THAP12: variants seen among roughly 807,000 people sequenced by gnomAD.
The protein encoded by THAP12 is THAP domain containing 12, also known as 52 kDa repressor of the inhibitor of the protein kinase.
Under a neutral mutation model 63.0 loss-of-function variants are expected in THAP12, and 20 were observed. That is an observed-to-expected ratio of 0.32 (90% CI 0.22 to 0.46). THAP12 has a LOEUF of 0.46. Among genes scored for constraint, THAP12 ranks in the 20% least tolerant of loss-of-function variants. The pLI is 1.00. For synonymous variants in THAP12, 264 were observed against 328.4 expected (o/e 0.80, Z 2.12); for missense variants, 568 against 908.2 (o/e 0.63, Z 4.81).
intron 1 of THAP12, among the ~76,000 whole-genome samples, chr11:76,377,154 T>C (rs2134518849): frequency 6.6e-6 from 1 of 152,348 alleles, no homozygotes; most frequent in East Asian, 1.9e-4. Flanking sequence ...CTCTATAAAC[T>C]GAGAACACCC....
chr11:76,355,291 G>C (rs1441642750), intron 4 of THAP12, among the ~76,000 whole-genome samples: 1 of 152,222 alleles, frequency 6.6e-6, no homozygotes, highest in Admixed American at 6.5e-5. Flanking sequence ...GACAGAAAAA[G>C]AGATTCAGTG....
chr11:76,380,187 T>C (rs931417837), intron 1 of THAP12, among the ~76,000 whole-genome samples: 1 of 152,080 alleles, frequency 6.6e-6, no homozygotes, highest in Non-Finnish European at 1.5e-5. Flanking sequence ...ATCCCTACAA[T>C]ACCCAAGCGA....
intron 1 of THAP12, among the ~76,000 whole-genome samples, chr11:76,376,754 C>CA (rs1218631647): frequency 2.0e-5 from 3 of 150,522 alleles, no homozygotes; most frequent in Non-Finnish European, 4.4e-5. Context: ...TAGATCTAAA[C>CA]ACTTCTTTCA....
intron 1 of THAP12, among the ~76,000 whole-genome samples, chr11:76,374,592 A>G (rs1389710596): frequency 1.3e-5 from 2 of 151,238 alleles, no homozygotes; most frequent in African/African-American, 4.8e-5. Flanking sequence ...AGATCTGAAT[A>G]ATATTTAGAA....
chr11:76,358,004 T>C (rs368914223), intron 3 of THAP12: 11 of 152,240 alleles, frequency 7.2e-5, no homozygotes, highest in Middle Eastern at 3.4e-3. Flanking sequence ...ACTGGTTCTT[T>C]GAAAAGATTA....
intron 2 of THAP12, chr11:76,364,338 C>A: frequency 5.4e-6 from 2 of 372,488 alleles, no homozygotes; most frequent in Non-Finnish European, 1.1e-5. Context: ...ATTGGCTCAC[C>A]TCCCAATGAC....
rs574243690 is a variant in THAP12 at position 76,380,933 on chromosome 11, G to A, written c.-97C>T. ...GCCGGGGAGGGGAGCCAGGCCGGCC[G>A]GCCGGCTCGGCAGGGCCGACGCGCG... On this transcript the variant is annotated 5_prime_UTR_variant, in exon 1 of 5. Coordinates refer to ENST00000260045, the MANE Select transcript of THAP12 (RefSeq NM_004705.4). The A allele has an allele frequency of 7.5e-6, 5 of 663,718 alleles. No individual in the cohort carries two copies. Among genetic ancestry groups the A allele is most frequent in the South Asian group, 1.4e-4 (2 of 14,058 alleles). The allele number at this position is 663,718 out of a possible 1,614,324, so 41.1% of individuals were successfully genotyped here. A position where few individuals can be genotyped will look rare whatever the true frequency, so the allele number is the denominator to read the frequency against.
At chr11:76,353,065 A>G (rs1946538682) in intron 4 of THAP12, among the ~76,000 whole-genome samples, 1 of 151,770 alleles carries the variant, frequency 6.6e-6, no homozygotes, top group Non-Finnish European at 1.5e-5. Context: ...TTTTTTTAAG[A>G]AGTAGAGCGG....
At position 76,352,355 on chromosome 11, in the gene THAP12, G is replaced by A. The variant is rs766014137; in HGVS notation, c.795C>T (p.Asp265=). 31 of 1,611,826 alleles carry A rather than the reference G, an allele frequency of 1.9e-5. No homozygotes were observed. The East Asian group carries it at 3.1e-4, about 16-fold the overall frequency. The change falls in exon 5 of 5, where the codon GAC becomes GAT. Residue 265 remains aspartate (D), a synonymous_variant. Coordinates refer to ENST00000260045, the MANE Select transcript of THAP12 (RefSeq NM_004705.4). The part of the protein sequence containing the change: ...RDSHFFSIIT[D]DVVDIAGEEH... ...CTTCCCCTGCTATGTCCACTACATC[G>A]TCAGTGATAATGGAAAAGAAGTGTG...
rs1946529774 is a variant in THAP12, at chr11:76,351,919, T to C, written c.1231A>G (p.Asn411Asp). 2 of 1,598,102 alleles carry C rather than the reference T, an allele frequency of 1.3e-6. No homozygotes were observed. The highest frequency in any genetic ancestry group is 2.3e-5 in the South Asian group (2 of 88,026). Residue 411 changes from asparagine to aspartate, a missense_variant, in exon 5 of 5, where the codon AAC becomes GAC. Asn to Asp is a conservative substitution (Grantham distance 23). Transcript: ENST00000260045. ...LDNVISVLFQ[N>D]SKERGKELKE... ...AGTTCTTTACCCCTTTCTTTACTGT[T>C]CTGAAAAAGAACAGAAATTACGTTG...
rs11300199 is a variant in THAP12 at position 76,376,624 on chromosome 11, GTT to G, written c.89+4122_89+4123del. 5.7e-3 allele frequency among the ~76,000 whole-genome samples: 748 copies of G among 130,866 alleles called. 5 individuals are homozygous for G. The highest frequency in any genetic ancestry group is 0.016 in the African/African-American group (559 of 34,012). The allele number at this position is 130,866 out of a possible 152,430, so 85.9% of individuals were successfully genotyped here. A position where few individuals can be genotyped will look rare whatever the true frequency, so the allele number is the denominator to read the frequency against. Reference sequence around the variant, plus strand: ...GCTAAATTGTGTCTATGTTTTTTTTGTTTTTTTTTTTTTTTCAGGTAAGAGTC... The same window carrying G: ...GCTAAATTGTGTCTATGTTTTTTTTGTTTTTTTTTTTTTCAGGTAAGAGTC... On this transcript the variant is annotated intron_variant, in intron 1 of 4. Transcript: ENST00000260045.
intron 1 of THAP12, among the ~76,000 whole-genome samples, chr11:76,376,639 TC>T (rs1399563135): frequency 2.6e-4 from 39 of 149,004 alleles, no homozygotes; most frequent in African/African-American, 8.9e-4. Flanking sequence ...TTTTTTTTTT[TC>T]AGGTAAGAGT....
chr11:76,356,316 CCTGTTGGGCAGCACTG>C (rs1946560720), intron 3 of THAP12: 1 of 152,286 alleles, frequency 6.6e-6, no homozygotes, highest in African/African-American at 2.4e-5. Flanking sequence ...CAGCAGGATG[CCTGTTGGGCAGCACTG>C]GACATGGTGC....
intron 2 of THAP12, among the ~76,000 whole-genome samples, chr11:76,361,887 T>A (rs939263750): frequency 6.6e-6 from 1 of 152,258 alleles, no homozygotes; most frequent in Non-Finnish European, 1.5e-5. Flanking sequence ...ATCTGCCACA[T>A]GAAACCAACT....
intron 1 of THAP12, among the ~76,000 whole-genome samples, chr11:76,366,869 G>A (rs1946634879): frequency 6.6e-6 from 1 of 151,876 alleles, no homozygotes; most frequent in African/African-American, 2.4e-5. Flanking sequence ...AAAAAGTGTT[G>A]AAGACAGAGA....
chr11:76,355,542 A>C (rs1214906236), intron 4 of THAP12, 76 bp downstream of exon 4: 23 of 1,328,976 alleles, frequency 1.7e-5, no homozygotes, highest in Non-Finnish European at 2.2e-5. Flanking sequence ...AACACAGAAC[A>C]TATTTATTTG....
At chr11:76,376,962 G>A (rs759557966) in intron 1 of THAP12, among the ~76,000 whole-genome samples, 4 of 151,930 alleles carry the variant, frequency 2.6e-5, no homozygotes, top group Non-Finnish European at 5.9e-5. Flanking sequence ...AATGGGGCAA[G>A]GCCAAGTCAG....
At position 76,352,594 on chromosome 11, in the gene THAP12, G is replaced by A. The variant is rs1414373395; in HGVS notation, c.556C>T (p.His186Tyr). The A allele has an allele frequency of 7.4e-6, 12 of 1,611,944 alleles. No individual in the cohort carries two copies. The highest frequency in any genetic ancestry group is 1.0e-5 in the Non-Finnish European group (12 of 1,179,830). The change falls in exon 5 of 5, where the codon CAT (histidine) becomes TAT (tyrosine). Residue 186 changes from histidine (H) to tyrosine (Y), a missense_variant. By Grantham distance (83) the His-to-Tyr change is moderately conservative (BLOSUM62 2). Transcript: ENST00000260045. The part of the protein sequence containing the change: ...MGKQNIPLDG[H>Y]EADEIPEGLF... ...CCTTCTGGGATTTCATCAGCCTCAT[G>A]TCCATCCAGAGGTATGTTTTGCTTT...
intron 1 of THAP12, among the ~76,000 whole-genome samples, chr11:76,366,615 A>G (rs1946633227): frequency 6.6e-6 from 1 of 151,764 alleles, no homozygotes; most frequent in Non-Finnish European, 1.5e-5. Context: ...CGGGAGGCGG[A>G]GCTTGCAGTG....
Sources: allele counts gnomAD v4.1 joint callset (sites outside exome capture counted in the v4.1 genomes callset), GRCh38; gene constraint gnomAD v4.1.1; transcripts MANE v1.5; gene names NCBI Gene and HGNC (gene_info 2026-07-23, HGNC 2026-07-21).